NAV3: variants seen among roughly 807,000 people sequenced by gnomAD.
NAV3 encodes pore membrane and/or filament interacting like protein 1.
A neutral mutation model predicts 244.7 loss-of-function variants in NAV3; 87 were observed. That is an observed-to-expected ratio of 0.36 (90% CI 0.30 to 0.42). The LOEUF is 0.42. NAV3 is among the 20% of genes least tolerant of loss of function. The pLI is 1.00. For missense variants in NAV3, 2,663 were observed against 2,893.3 expected (o/e 0.92, Z 1.83); for synonymous variants, 1,126 against 1,042.2 (o/e 1.08, Z -1.55).
At chr12:77,877,221 C>T (rs1881967602) in intron 1 of NAV3, among the ~76,000 whole-genome samples, 1 of 152,048 alleles carries the variant, frequency 6.6e-6, no homozygotes, top group Non-Finnish European at 1.5e-5. Flanking sequence ...TTTGTTTCTT[C>T]CCTATCTTGC....
chr12:77,747,420 T>C (rs1340386570), intron 2 of NAV3, among the ~76,000 whole-genome samples: 1 of 152,138 alleles, frequency 6.6e-6, no homozygotes, highest in East Asian at 1.9e-4. Flanking sequence ...TAGGTACACT[T>C]TTACACTGTT....
At chr12:78,039,491 C>A (rs547039058) in intron 9 of NAV3, among the ~76,000 whole-genome samples, 1 of 152,172 alleles carries the variant, frequency 6.6e-6, no homozygotes, top group African/African-American at 2.4e-5. Context: ...AATTTTCATC[C>A]AAATCACTAC....
chr12:78,027,202 A>G (rs1204566742), intron 9 of NAV3, among the ~76,000 whole-genome samples: 1 of 152,032 alleles, frequency 6.6e-6, no homozygotes, highest in Non-Finnish European at 1.5e-5. Context: ...TTAGGAGACC[A>G]AGGCAGGACG....
chr12:77,742,713 A>G (rs1169378153), intron 2 of NAV3, among the ~76,000 whole-genome samples: 1 of 152,098 alleles, frequency 6.6e-6, no homozygotes, highest in Non-Finnish European at 1.5e-5. Flanking sequence ...ATGCAGTATT[A>G]AATTAAAACT....
chr12:78,124,538 C>T (rs1200289986), intron 16 of NAV3, among the ~76,000 whole-genome samples: 1 of 152,164 alleles, frequency 6.6e-6, no homozygotes, highest in Admixed American at 6.5e-5. Flanking sequence ...ATTGCGTCCT[C>T]TGCTTCCCGA....
intron 2 of NAV3, among the ~76,000 whole-genome samples, chr12:77,623,665 C>G (rs1360517365): frequency 6.6e-6 from 1 of 152,174 alleles, no homozygotes; most frequent in Non-Finnish European, 1.5e-5. Context: ...TCTTTATACA[C>G]TTGTTGTCTC....
intron 13 of NAV3, 127 bp downstream of exon 13, chr12:78,117,031 GATA>G (rs1361482936): frequency 9.1e-6 from 10 of 1,099,204 alleles, no homozygotes; most frequent in Non-Finnish European, 1.3e-5. Flanking sequence ...AAAATGCAGA[GATA>G]ATAAGGACTC....
rs548210743 is a variant in NAV3, at chr12:77,884,806, C to T, written c.243+53102C>T. ...CCACTCAACTTAACACCTAAAATTC[C>T]ATCCCAGGTACTCCTGATTATTTCA... On this transcript the variant is annotated intron_variant, in intron 1 of 39. Transcript: ENST00000397909. 7.2e-5 allele frequency among the ~76,000 whole-genome samples: 11 copies of T among 152,206 alleles called. No individual in the cohort carries two copies. The South Asian group carries it at 2.3e-3, about 32-fold the overall frequency.
chr12:77,730,313 G>C (rs1017630802), intron 2 of NAV3, among the ~76,000 whole-genome samples: 1 of 151,622 alleles, frequency 6.6e-6, no homozygotes, highest in African/African-American at 2.4e-5. Context: ...AAAGACACAG[G>C]AAAGATGAAT....
chr12:77,841,318 T>C (rs1352373369), intron 1 of NAV3, among the ~76,000 whole-genome samples: 2 of 152,234 alleles, frequency 1.3e-5, no homozygotes, highest in Admixed American at 6.5e-5. Context: ...TTCTTTTTGC[T>C]GTATTTTGAT....
intron 2 of NAV3, among the ~76,000 whole-genome samples, chr12:77,782,775 G>GA (rs1387023709): frequency 2.2e-4 from 33 of 152,148 alleles, no homozygotes; most frequent in Admixed American, 7.9e-4. Flanking sequence ...TATGTAATGG[G>GA]AAAAAAATAT....
intron 20 of NAV3, among the ~76,000 whole-genome samples, chr12:78,142,238 AT>A (rs1350838537): frequency 6.6e-6 from 1 of 152,100 alleles, no homozygotes; most frequent in Non-Finnish European, 1.5e-5. Context: ...ACATACAACT[AT>A]TGTGTATCCC....
intron 2 of NAV3, among the ~76,000 whole-genome samples, chr12:77,795,110 A>C (rs1238648650): frequency 6.6e-6 from 1 of 152,234 alleles, no homozygotes; most frequent in Non-Finnish European, 1.5e-5. Flanking sequence ...GCTAGGCTTA[A>C]TGAGCCAGTT....
At chr12:78,129,086 A>C (rs1956051435) in intron 18 of NAV3, among the ~76,000 whole-genome samples, 1 of 152,186 alleles carries the variant, frequency 6.6e-6, no homozygotes, top group African/African-American at 2.4e-5. Flanking sequence ...ATAGATTAAT[A>C]CTGTGGTTGT....
chr12:77,607,614 G>A (rs936666195), intron 2 of NAV3, among the ~76,000 whole-genome samples: 1 of 152,040 alleles, frequency 6.6e-6, no homozygotes, highest in South Asian at 2.1e-4. Flanking sequence ...GTGGGGTGGT[G>A]CTGATTGTGT....
Position 78,119,728 on chromosome 12 carries a change from C to G in NAV3, c.3532C>G (p.Leu1178Val), listed in dbSNP as rs1955585570. Residue 1178 changes from leucine to valine, a missense_variant, in exon 15 of 40, where the codon CTG becomes GTG. Transcript: ENST00000397909. ...GTCTGCTGGGGCCACCACCTCGAAA[C>G]TGAGAGAACCAACTAAAATTGGGTC... ...SKSAGATTSK[L>V]REPTKIGSGR... The G allele has an allele frequency of 6.2e-7, 1 of 1,614,054 alleles. No individual in the cohort carries two copies. The highest frequency in any genetic ancestry group is 1.3e-5 in the African/African-American group (1 of 74,918).
chr12:78,093,748 T>C (rs1954089382), intron 12 of NAV3, among the ~76,000 whole-genome samples: 1 of 152,192 alleles, frequency 6.6e-6, no homozygotes, highest in African/African-American at 2.4e-5. Context: ...CCCCAAATCA[T>C]CTTTAATTTT....
At chr12:77,690,129 G>A (rs373515177) in intron 2 of NAV3, among the ~76,000 whole-genome samples, 1 of 151,584 alleles carries the variant, frequency 6.6e-6, no homozygotes, top group Non-Finnish European at 1.5e-5. Flanking sequence ...AGTAATCTAC[G>A]GTGCCTGAAA....
chr12:77,867,240 T>C lies in NAV3; in HGVS notation c.243+35536T>C, dbSNP rs540165047. Among the ~76,000 whole-genome samples the C allele has an allele frequency of 7.2e-5, 11 of 152,302 alleles. No homozygotes were observed. The East Asian group carries it at 1.9e-3, about 27-fold the overall frequency. On this transcript the variant is annotated intron_variant, in intron 1 of 39. Transcript: ENST00000397909. ...TAAGTCTCATGAGATCCGATGGTTT[T>C]ATAAGGGAGTTCCATTTTCGCTTGC...
Sources: allele counts gnomAD v4.1 joint callset (sites outside exome capture counted in the v4.1 genomes callset), GRCh38; gene constraint gnomAD v4.1.1; transcripts MANE v1.5; gene names NCBI Gene and HGNC (gene_info 2026-07-23, HGNC 2026-07-21).